Variants in TFPI observed in about 807,000 individuals in gnomAD.
TFPI encodes anti-convertin.
TFPI carries 15 observed loss-of-function variants against 34.6 expected under a neutral mutation model. The observed-to-expected ratio is 0.43, with a 90% CI of 0.29 to 0.67. The LOEUF is 0.67. TFPI is among the 30% of genes least tolerant of loss of function. The probability of loss-of-function intolerance (pLI) is 0.15; values close to 1 mark genes in which losing one functional copy is unlikely to be tolerated. For synonymous variants in TFPI, 105 were observed against 120.1 expected, an observed-to-expected ratio of 0.87 and a Z score of 0.82; for missense variants, 301 against 364.0, an observed-to-expected ratio of 0.83 and a Z score of 1.41.
At chr2:187,498,419 T>G (rs1685631021) in intron 2 of TFPI, among the ~76,000 whole-genome samples, 1 of 151,820 alleles carries the variant, frequency 6.6e-6, no homozygotes, top group African/African-American at 2.4e-5. Context: ...AGTCTTATTT[T>G]AGTAATGTTA....
chr2:187,534,280 G>A (rs562339085), intron 1 of TFPI, among the ~76,000 whole-genome samples: 2 of 152,096 alleles, frequency 1.3e-5, no homozygotes, highest in Non-Finnish European at 2.9e-5. Context: ...GATTCAACAA[G>A]GTTGAAATGA....
At position 187,465,869 on chromosome 2, in the gene TFPI, TTGAGATGCCAG is replaced by T. The variant is rs1691699758; in HGVS notation, c.*1056_*1066del. On this transcript the variant is annotated 3_prime_UTR_variant, in exon 8 of 8. Transcript: ENST00000233156. Reference sequence around the variant, plus strand: ...GAGGTTGTTGAGGTTGTTGAGGTTGTTGAGATGCCAGACTGCACATGGCTCAGCAATAAATG... The same window carrying T: ...GAGGTTGTTGAGGTTGTTGAGGTTGTACTGCACATGGCTCAGCAATAAATG... 6.6e-6 allele frequency: 1 copy of T among 151,928 alleles called. No homozygotes were observed. The highest frequency in any genetic ancestry group is 1.5e-5 in the Non-Finnish European group (1 of 67,918). 9.4% of individuals were successfully genotyped at this position (151,928 alleles called of 1,614,324 possible). A position where few individuals can be genotyped will look rare whatever the true frequency, so the allele number is the denominator to read the frequency against.
intron 1 of TFPI, among the ~76,000 whole-genome samples, chr2:187,508,168 A>G (rs1686359993): frequency 1.3e-5 from 2 of 152,262 alleles, no homozygotes; most frequent in South Asian, 2.1e-4. Flanking sequence ...CCATTGGTCT[A>G]TATATCTGTT....
intron 1 of TFPI, among the ~76,000 whole-genome samples, chr2:187,520,203 ACTC>A (rs1687286455): frequency 6.6e-6 from 1 of 151,688 alleles, no homozygotes; most frequent in Non-Finnish European, 1.5e-5. Context: ...TATGAAAAAA[ACTC>A]CTGCAGCTAA....
chr2:187,482,969 A>C (rs954819506), intron 6 of TFPI, among the ~76,000 whole-genome samples: 1 of 151,952 alleles, frequency 6.6e-6, no homozygotes, highest in African/African-American at 2.4e-5. Context: ...TCATGTTTCA[A>C]ATCCTCCTTG....
chr2:187,481,445 T>C (rs1305020240), intron 6 of TFPI, among the ~76,000 whole-genome samples: 1 of 152,026 alleles, frequency 6.6e-6, no homozygotes, highest in African/African-American at 2.4e-5. Context: ...TGACAAGGGG[T>C]CATCTAGGTT....
At chr2:187,483,827 T>C (rs2106010242) in intron 6 of TFPI, 1 of 344,782 alleles carries the variant, frequency 2.9e-6, no homozygotes, top group East Asian at 7.4e-5. Context: ...TGATAATTCC[T>C]AGCACCATTT....
chr2:187,503,082 T>C (rs925468415), intron 2 of TFPI, among the ~76,000 whole-genome samples: 5 of 152,088 alleles, frequency 3.3e-5, no homozygotes, highest in African/African-American at 1.2e-4. Context: ...TTCTCCTTGC[T>C]CTATTTTTTA....
In TFPI at chr2:187,496,870, C is replaced by A. The variant is rs1268573072; in HGVS notation, c.319+11G>T. On this transcript the variant is annotated intron_variant, in intron 3 of 7. Coordinates refer to ENST00000233156, the MANE Select transcript of TFPI (RefSeq NM_006287.6). ...AAGGGTCTTGAGTAATAAGGGTTCC[C>A]AGAAACCTACCTCTTGTACACATTT... The A allele has an allele frequency of 1.2e-6, 2 of 1,611,868 alleles. No homozygotes were observed. Among genetic ancestry groups the A allele is most frequent in the African/African-American group, 1.3e-5 (1 of 74,754 alleles).
At chr2:187,535,836 C>G (rs1688220431) in intron 1 of TFPI, among the ~76,000 whole-genome samples, 1 of 152,008 alleles carries the variant, frequency 6.6e-6, no homozygotes, top group Non-Finnish European at 1.5e-5. Flanking sequence ...AGACCGTTAA[C>G]CAGACTAATG....
chr2:187,540,327 A>G (rs1429290374), intron 1 of TFPI, among the ~76,000 whole-genome samples: 17 of 152,200 alleles, frequency 1.1e-4, no homozygotes, highest in Admixed American at 1.1e-3. Context: ...TCAATAAATC[A>G]TATCATACTA....
intron 3 of TFPI, among the ~76,000 whole-genome samples, chr2:187,496,281 A>G (rs947321047): frequency 6.6e-6 from 1 of 152,064 alleles, no homozygotes; most frequent in African/African-American, 2.4e-5. Context: ...GCAGCTTACA[A>G]TTTTGTAATT....
intron 1 of TFPI, among the ~76,000 whole-genome samples, chr2:187,506,658 C>A (rs1017711304): frequency 2.0e-5 from 3 of 151,930 alleles, no homozygotes; most frequent in Non-Finnish European, 4.4e-5. Context: ...TAATACTGGT[C>A]AGGTATTTTG....
rs928107846 is a variant in TFPI, at chr2:187,464,686, C to T, written c.*2250G>A. 1 of 152,168 alleles carries T rather than the reference C, an allele frequency of 6.6e-6. No homozygotes were observed. Among genetic ancestry groups the T allele is most frequent in the Non-Finnish European group, 1.5e-5 (1 of 68,032 alleles). The allele number at this position is 152,168 out of a possible 1,614,324, so 9.4% of individuals were successfully genotyped here. A position where few individuals can be genotyped will look rare whatever the true frequency, so the allele number is the denominator to read the frequency against. The stretch of plus-strand genomic sequence containing the variant: ...AAATAAATGGCAACAGGAAATGTTT[C>T]ACAAGGGCCTTTGATTTCCAAAACT... On this transcript the variant is annotated 3_prime_UTR_variant, in exon 8 of 8. Transcript: ENST00000233156.
intron 1 of TFPI, among the ~76,000 whole-genome samples, chr2:187,528,069 G>A (rs1377897554): frequency 1.3e-5 from 2 of 151,920 alleles, no homozygotes; most frequent in Admixed American, 1.3e-4. Context: ...GATTCAGTGA[G>A]TTGCCTAAAT....
chr2:187,545,929 G>A (rs903271357), intron 1 of TFPI, among the ~76,000 whole-genome samples: 5 of 152,098 alleles, frequency 3.3e-5, no homozygotes, highest in Admixed American at 3.3e-4. Context: ...AGAGAGGAAT[G>A]TGAGTCCTGG....
At chr2:187,518,449 A>G (rs1400089517) in intron 1 of TFPI, 1 of 152,206 alleles carries the variant, frequency 6.6e-6, no homozygotes, top group Non-Finnish European at 1.5e-5. Flanking sequence ...CTTTTCTTTA[A>G]GAATGTAGAA....
chr2:187,512,481 A>G (rs1686712475), intron 1 of TFPI, among the ~76,000 whole-genome samples: 1 of 151,902 alleles, frequency 6.6e-6, no homozygotes, highest in African/African-American at 2.4e-5. Context: ...AACTCCCTTC[A>G]GGACAGGATG....
chr2:187,481,251 A>G lies in TFPI; in HGVS notation c.628+2873T>C, dbSNP rs149538543. 7.8e-3 allele frequency among the ~76,000 whole-genome samples: 1,185 copies of G among 152,256 alleles called. 9 individuals carry two copies. Among genetic ancestry groups the G allele is most frequent in the African/African-American group, 1.0e-2 (414 of 41,566 alleles). ...CAGCTTTTCAAAATAACCTGATACC[A>G]CAGAGAACTTTACACGTTTGATAAA... On this transcript the variant is annotated intron_variant, in intron 6 of 7. Coordinates refer to ENST00000233156, the MANE Select transcript of TFPI (RefSeq NM_006287.6).
Sources: gnomAD v4.1 joint callset for allele counts (sites outside exome capture counted in the v4.1 genomes callset) on GRCh38, gnomAD v4.1.1 for gene constraint, MANE v1.5 for transcripts, NCBI Gene and HGNC (gene_info 2026-07-23, HGNC 2026-07-21) for gene names.